MYBBP1A: variants seen among roughly 807,000 people sequenced by gnomAD.
The protein encoded by MYBBP1A is myb-binding protein 1A.
A neutral mutation model predicts 136.3 loss-of-function variants in MYBBP1A; 147 were observed. That is an observed-to-expected ratio of 1.08 (90% CI 0.94 to 1.24). The LOEUF (loss-of-function observed/expected upper bound fraction) is 1.24, where lower values mean the gene tolerates loss of function less well. Among genes scored for constraint, MYBBP1A ranks in the 50% most tolerant of loss-of-function variants. The pLI, the probability that MYBBP1A is intolerant of heterozygous loss-of-function variation, is 0.00. For missense variants in MYBBP1A, 2,060 were observed against 1,727.4 expected (o/e 1.19, Z -3.41); for synonymous variants, 947 against 735.8 (o/e 1.29, Z -4.65).
chr17:4,554,459 T>C (rs1907844182), intron 2 of MYBBP1A, among the ~76,000 whole-genome samples, 181 bp from the exon 3 acceptor site: 1 of 152,052 alleles, frequency 6.6e-6, no homozygotes, highest in African/African-American at 2.4e-5. Context: ...AGCCACTGGG[T>C]CTTCTCTCCG....
chr17:4,542,543 G>A lies in MYBBP1A; in HGVS notation c.3019-11C>T, dbSNP rs139937096. On this transcript the variant is annotated splice_polypyrimidine_tract_variant and intron_variant, in intron 21 of 25. Transcript: ENST00000254718. Reference sequence around the variant, plus strand: ...GCTCTGACAGAGCACCTGGTGGGGAGTGACAAGGGCTGTGAGGTGCAGGCT... The same window carrying A: ...GCTCTGACAGAGCACCTGGTGGGGAATGACAAGGGCTGTGAGGTGCAGGCT... The A allele has an allele frequency of 5.8e-5, 93 of 1,612,460 alleles. 1 individual carries two copies. The South Asian group carries it at 9.2e-4, about 16-fold the overall frequency.
At chr17:4,550,903 C>T (rs555706782) in intron 8 of MYBBP1A, among the ~76,000 whole-genome samples, 44 of 152,388 alleles carry the variant, frequency 2.9e-4, no homozygotes, top group African/African-American at 1.1e-3. Context: ...TGTCATTGCA[C>T]AGGTGAGTAC....
Position 4,555,260 on chromosome 17 carries a change from G to A in MYBBP1A, c.65C>T (p.Pro22Leu), listed in dbSNP as rs1907927316. The A allele has an allele frequency of 6.8e-6, 11 of 1,611,852 alleles. No individual in the cohort carries two copies. The highest frequency in any genetic ancestry group is 8.5e-6 in the Non-Finnish European group (10 of 1,179,552). Residue 22 changes from proline to leucine, a missense_variant, in exon 1 of 26, where the codon CCT becomes CTT. Physicochemically the swap from Pro to Leu is moderately conservative, Grantham distance 98. Coordinates refer to ENST00000254718, the MANE Select transcript of MYBBP1A (RefSeq NM_014520.4). ...CTTCAATAGGCCATAGCGGTCGGCA[G>A]GCCGGGCGCCACTCTGCGTCGCTTC... ...PGEATQSGAR[P>L]ADRYGLLKHS...
rs1279076327 is a variant in MYBBP1A, at chr17:4,539,889, T to C, written c.3513A>G (p.Lys1171=). ...TCTTCGTCTCTGGCAAGAATCCCTTTTTCTTCCGCTTCTTACTGATGGGGC... is the reference window on the plus strand; with the variant it reads ...TCTTCGTCTCTGGCAAGAATCCCTTCTTCTTCCGCTTCTTACTGATGGGGC... ...TQSPISKKRK[K]KGFLPETKKR... Residue 1171 remains lysine (K), a synonymous_variant, in exon 26 of 26, where the codon AAA becomes AAG. Transcript: ENST00000254718. The C allele has an allele frequency of 6.2e-7, 1 of 1,602,204 alleles. No individual in the cohort carries two copies. Among genetic ancestry groups the C allele is most frequent in the Admixed American group, 1.7e-5 (1 of 60,016 alleles).
intron 15 of MYBBP1A, 104 bp downstream of exon 15, chr17:4,545,506 G>A (rs1348625295): frequency 1.3e-5 from 20 of 1,498,214 alleles, no homozygotes; most frequent in East Asian, 2.4e-5. Flanking sequence ...CCCACCGGCC[G>A]CAGGCTCCCG....
intron 24 of MYBBP1A, 55 bp from the exon 25 acceptor site, chr17:4,540,539 G>A (rs367700626): frequency 5.7e-5 from 87 of 1,514,926 alleles, no homozygotes; most frequent in Admixed American, 4.2e-4. Context: ...GGCCTCTCGC[G>A]GGCTCCCAGT....
In MYBBP1A at chr17:4,543,110, C is replaced by T. The variant is rs760743078; in HGVS notation, c.2695G>A (p.Ala899Thr). The change falls in exon 20 of 26, where the codon GCC becomes ACC. Residue 899 changes from alanine to threonine, a missense_variant. By Grantham distance (58) the Ala-to-Thr change is moderately conservative. Transcript: ENST00000254718. ...AACCGCTCCACCTGGGCGTGCAGGGCCCCTGCGCGCTCACCCAAGTCGTGG... is the reference window on the plus strand; with the variant it reads ...AACCGCTCCACCTGGGCGTGCAGGGTCCCTGCGCGCTCACCCAAGTCGTGG... ...YCHDLGERAG[A>T]LHAQVERLVQ... 2.5e-6 allele frequency: 4 copies of T among 1,612,148 alleles called. No individual in the cohort carries two copies. Among genetic ancestry groups the T allele is most frequent in the Non-Finnish European group, 3.4e-6 (4 of 1,179,476 alleles).
Position 4,545,974 on chromosome 17 carries a change from A to T in MYBBP1A, c.1825-32T>A, listed in dbSNP as rs758238370. The T allele has an allele frequency of 8.1e-6, 13 of 1,597,224 alleles. No homozygotes were observed. The African/African-American group carries it at 1.7e-4, about 21-fold the overall frequency. Reference sequence around the variant, plus strand: ...GCAGGGTAGGACACACACTGGGGCCAGGCCCTGTCCCCAGCCCTTCTAAAC... The same window carrying T: ...GCAGGGTAGGACACACACTGGGGCCTGGCCCTGTCCCCAGCCCTTCTAAAC... On this transcript the variant is annotated intron_variant, in intron 13 of 25. Transcript: ENST00000254718.
chr17:4,539,397 G>C lies in MYBBP1A; in HGVS notation c.*18C>G. The stretch of plus-strand genomic sequence containing the variant: ...CAGGCAGATGGAGGCAGGGGCTGAG[G>C]GGGGCCCGTACCTGTGCTCAGGGCT... On this transcript the variant is annotated 3_prime_UTR_variant, in exon 26 of 26. Transcript: ENST00000254718. 6.3e-7 allele frequency: 1 copy of C among 1,575,092 alleles called. No individual in the cohort carries two copies. Among genetic ancestry groups the C allele is most frequent in the Non-Finnish European group, 8.6e-7 (1 of 1,159,704 alleles).
At chr17:4,550,008 C>T (rs775670570) in intron 9 of MYBBP1A, 50 bp downstream of exon 9, 4 of 1,559,994 alleles carry the variant, frequency 2.6e-6, no homozygotes, top group Non-Finnish European at 3.5e-6. Context: ...GCTCTGCAGG[C>T]CTAGGAAGTT....
In MYBBP1A at chr17:4,544,502, C is replaced by T. The variant is rs760318067; in HGVS notation, c.2626G>A (p.Ala876Thr). ...CCCCGTGCTCACGTGAAGATGCGCGCCGTCTTGTGCAGAAGGTCCTGCTCC... is the reference window on the plus strand; with the variant it reads ...CCCCGTGCTCACGTGAAGATGCGCGTCGTCTTGTGCAGAAGGTCCTGCTCC... The part of the protein sequence containing the change: ...KQEQDLLHKT[A>T]RIFTHHLCRA... The change falls in exon 19 of 26, where the codon GCG becomes ACG. Residue 876 changes from alanine to threonine, a missense_variant. By Grantham distance (58) the Ala-to-Thr change is moderately conservative (BLOSUM62 0). Coordinates refer to ENST00000254718, the MANE Select transcript of MYBBP1A (RefSeq NM_014520.4). 6.4e-7 allele frequency: 1 copy of T among 1,550,780 alleles called. No individual in the cohort carries two copies. The highest frequency in any genetic ancestry group is 1.2e-5 in the South Asian group (1 of 84,162).
intron 24 of MYBBP1A, 82 bp from the exon 25 acceptor site, chr17:4,540,566 T>A: frequency 6.9e-7 from 1 of 1,438,900 alleles, no homozygotes; most frequent in Non-Finnish European, 9.2e-7. Context: ...ACCTCTGCCC[T>A]GTTGCTGCCT....
intron 22 of MYBBP1A, chr17:4,542,104 T>A: frequency 1.7e-6 from 1 of 592,780 alleles, no homozygotes; most frequent in Non-Finnish European, 3.0e-6. Context: ...GGACCTCAGG[T>A]TGGGACAATT....
In MYBBP1A at chr17:4,540,589, C is replaced by G. The variant is rs565701806; in HGVS notation, c.3298-105G>C. On this transcript the variant is annotated intron_variant, in intron 24 of 25. Transcript: ENST00000254718. The stretch of plus-strand genomic sequence containing the variant: ...CCTGTTGCTGCCTCACCAGTGACCC[C>G]TGCCCCTTCCTGGGCCTCAGCCTCT... The G allele has an allele frequency of 2.3e-5, 31 of 1,338,586 alleles. No homozygotes were observed. The Admixed American group carries it at 6.4e-4, about 28-fold the overall frequency. The allele number at this position is 1,338,586 out of a possible 1,614,324, so 82.9% of individuals were successfully genotyped here. A position where few individuals can be genotyped will look rare whatever the true frequency, so the allele number is the denominator to read the frequency against.
chr17:4,546,257 T>C (rs1030470757), intron 13 of MYBBP1A, among the ~76,000 whole-genome samples: 1 of 152,218 alleles, frequency 6.6e-6, no homozygotes, highest in Non-Finnish European at 1.5e-5. Flanking sequence ...TAGCTGGGAT[T>C]GCAGGCGTGT....
At chr17:4,546,971 G>C (rs925621337) in intron 13 of MYBBP1A, among the ~76,000 whole-genome samples, 4 of 150,994 alleles carry the variant, frequency 2.6e-5, no homozygotes, top group Admixed American at 2.6e-4. Context: ...GAGTACAGTG[G>C]TGTCATCTCA....
In MYBBP1A at chr17:4,552,481, A is replaced by G. The variant is rs754710228; in HGVS notation, c.707T>C (p.Val236Ala). 1.2e-6 allele frequency: 2 copies of G among 1,613,494 alleles called. No homozygotes were observed. The highest frequency in any genetic ancestry group is 2.7e-5 in the African/African-American group (2 of 74,936). Residue 236 changes from valine to alanine, a missense_variant, in exon 6 of 26, where the codon GTG (valine) becomes GCG (alanine). Physicochemically the swap from Val to Ala is moderately conservative, Grantham distance 64. Coordinates refer to ENST00000254718, the MANE Select transcript of MYBBP1A (RefSeq NM_014520.4). This position sits in a 1 kb window ranked among gnomAD's most constrained non-coding sequence, Gnocchi z 4.7. ...GACATTCTCATCTGAGAATAGGTTC[A>G]CGGATCCCACCAGCTTCTTGAGCTT... ...PSKLKKLVGS[V>A]NLFSDENVPR...
chr17:4,545,925 A>C lies in MYBBP1A; in HGVS notation c.1842T>G (p.Cys614Trp), dbSNP rs1038783995. 9.9e-6 allele frequency: 16 copies of C among 1,613,120 alleles called. No individual in the cohort carries two copies. Among genetic ancestry groups the C allele is most frequent in the Middle Eastern group, 3.3e-4 (2 of 6,062 alleles). Residue 614 changes from cysteine (C) to tryptophan (W), a missense_variant, in exon 14 of 26, where the codon TGT becomes TGG. Cys to Trp is a radical substitution (Grantham distance 215, BLOSUM62 -2). Transcript: ENST00000254718. ...IHLLKSPAES[C>W]DLLGDIQTCI... is the part of the protein sequence containing the mutation. ...AGGTCTGGATGTCACCCAGCAGGTC[A>C]CAGCTCTCTGCAGGGGACTGCGGGC...
rs372493626 is a variant in MYBBP1A at position 4,544,825 on chromosome 17, G to A, written c.2407C>T (p.Arg803Cys). 5.2e-5 allele frequency: 84 copies of A among 1,606,136 alleles called. No individual in the cohort carries two copies. The highest frequency in any genetic ancestry group is 3.3e-4 in the Middle Eastern group (2 of 6,054). ...LASLFAEQKL[R>C]IQARRDEKNK... Reference sequence around the variant, plus strand: ...TTCTCGTCTCGCCGGGCCTGGATACGCAGCTTCTGCTCGGCAAAGAGGCTG... The same window carrying A: ...TTCTCGTCTCGCCGGGCCTGGATACACAGCTTCTGCTCGGCAAAGAGGCTG... Residue 803 changes from arginine (R) to cysteine (C), a missense_variant, in exon 18 of 26, where the codon CGT becomes TGT. Physicochemically the swap from Arg to Cys is radical, Grantham distance 180. Coordinates refer to ENST00000254718, the MANE Select transcript of MYBBP1A (RefSeq NM_014520.4).
Sources: gnomAD v4.1 joint callset for allele counts (sites outside exome capture counted in the v4.1 genomes callset) on GRCh38, gnomAD v4.1.1 for gene constraint, Gnocchi (gnomAD v3.1) non-coding constraint, MANE v1.5 for transcripts, NCBI Gene and HGNC (gene_info 2026-07-23, HGNC 2026-07-21) for gene names.